The following CHIT1 variants were observed in gnomAD, a reference collection of about 807,000 sequenced individuals.
The protein encoded by CHIT1 is chitinase 1.
A neutral mutation model predicts 52.0 loss-of-function variants in CHIT1; 47 were observed. The ratio of observed to expected loss-of-function variants is 0.90; its 90% CI spans 0.71 to 1.15. CHIT1 has a LOEUF of 1.15. Ranked by LOEUF, CHIT1 falls within the 50% of genes most tolerant of loss-of-function variation. CHIT1 has a pLI of 0.00. For synonymous variants in CHIT1, 242 were observed against 228.2 expected, an observed-to-expected ratio of 1.06 and a Z score of -0.54; for missense variants, 569 against 583.0, an observed-to-expected ratio of 0.98 and a Z score of 0.25.
chr1:203,228,249 A>G (rs966114750), intron 2 of CHIT1, among the ~76,000 whole-genome samples: 1 of 152,258 alleles, frequency 6.6e-6, no homozygotes, highest in Admixed American at 6.5e-5. Context: ...AAGAGCACAG[A>G]GTGCAGAGGA....
chr1:203,217,010 A>G lies in CHIT1; in HGVS notation c.1280T>C (p.Leu427Pro), dbSNP rs1656557141. Residue 427 changes from leucine to proline, a missense_variant, in exon 11 of 11, where the codon CTC becomes CCC. Leu to Pro is a moderately conservative substitution (Grantham distance 98). Coordinates refer to ENST00000367229, the MANE Select transcript of CHIT1 (RefSeq NM_003465.3). ...GGACCGTTCCCGAGGATTGGGATAG[A>G]GCCCATCAGCTTTGCCCTGGCAGAA... ...DTFCQGKADG[L>P]YPNPRERSSF... 1 of 1,614,092 alleles carries G rather than the reference A, an allele frequency of 6.2e-7. No individual in the cohort carries two copies. Among genetic ancestry groups the G allele is most frequent in the Non-Finnish European group, 8.5e-7 (1 of 1,180,048 alleles).
rs766463084 is a variant in CHIT1 at position 203,219,847 on chromosome 1, A to G, written c.732T>C (p.Asp244=). The stretch of plus-strand genomic sequence containing the variant: ...TCTGCAGCCACTGTTGCACAGCAGC[A>G]TCCTGGTGGAAGAGGGCAGGGTTAA... ...ESGAAASLNV[D]AAVQQWLQKG... is the part of the protein sequence containing the mutation. The change falls in exon 8 of 11, where the codon GAT becomes GAC. Residue 244 remains aspartate, a splice_region_variant and synonymous_variant. Transcript: ENST00000367229. 15 of 1,611,940 alleles carry G rather than the reference A, an allele frequency of 9.3e-6. No homozygotes were observed. The highest frequency in any genetic ancestry group is 2.2e-5 in the East Asian group (1 of 44,890).
intron 2 of CHIT1, among the ~76,000 whole-genome samples, chr1:203,226,981 G>A (rs1656951169): frequency 6.6e-6 from 1 of 152,280 alleles, no homozygotes; most frequent in South Asian, 2.1e-4. Flanking sequence ...GATCTTGATG[G>A]AGCAGTGAGT....
At chr1:203,222,823 A>G (rs1212248555) in intron 6 of CHIT1, among the ~76,000 whole-genome samples, 1 of 152,164 alleles carries the variant, frequency 6.6e-6, no homozygotes, top group African/African-American at 2.4e-5. Flanking sequence ...ATTTTCTTGA[A>G]GACAATGGCT....
intron 7 of CHIT1, among the ~76,000 whole-genome samples, chr1:203,220,534 T>G (rs1321795611): frequency 6.6e-6 from 1 of 152,158 alleles, no homozygotes; most frequent in East Asian, 1.9e-4. Flanking sequence ...CCCCCAGGCC[T>G]GTGACGGGAG....
intron 9 of CHIT1, among the ~76,000 whole-genome samples, chr1:203,218,935 A>G (rs1009823211): frequency 2.0e-5 from 3 of 152,216 alleles, no homozygotes; most frequent in African/African-American, 7.2e-5. Flanking sequence ...ATGTCTCACC[A>G]TGTGTATTTC....
chr1:203,225,361 C>T (rs562624995), intron 3 of CHIT1, among the ~76,000 whole-genome samples: 86 of 152,150 alleles, frequency 5.7e-4, no homozygotes, highest in African/African-American at 1.8e-3. Context: ...TTTGTGAAGG[C>T]GCCCAGAACA....
At chr1:203,222,086 T>C in intron 7 of CHIT1, 116 bp downstream of exon 7, 3 of 1,444,272 alleles carry the variant, frequency 2.1e-6, no homozygotes, top group Non-Finnish European at 1.9e-6. Context: ...AAAAAGCTTC[T>C]TGTTTCTCAG....
rs201975143 is a variant in CHIT1, at chr1:203,222,300, C to T, written c.631G>A (p.Ala211Thr). The T allele has an allele frequency of 1.2e-6, 2 of 1,614,022 alleles. No homozygotes were observed. Among genetic ancestry groups the T allele is most frequent in the Admixed American group, 1.7e-5 (1 of 60,004 alleles). The change falls in exon 7 of 11, where the codon GCC (alanine) becomes ACC (threonine). Residue 211 changes from alanine to threonine, a missense_variant. Transcript: ENST00000367229. Reference sequence around the variant, plus strand: ...TCCCAAGAGCCATGGAAGTCGTAGGCCATAAGGTTGACAAAATCCAGGTTC... The same window carrying T: ...TCCCAAGAGCCATGGAAGTCGTAGGTCATAAGGTTGACAAAATCCAGGTTC... ...AQNLDFVNLM[A>T]YDFHGSWEKV...
intron 7 of CHIT1, among the ~76,000 whole-genome samples, chr1:203,221,683 G>C (rs1277077489): frequency 6.6e-6 from 1 of 152,138 alleles, no homozygotes; most frequent in Non-Finnish European, 1.5e-5. Flanking sequence ...ATGAGGAAAA[G>C]TTAGGAAACC....
Position 203,217,820 on chromosome 1 carries a change from C to CGCAGA in CHIT1, c.1074_1075insTCTGC (p.Ala359SerfsTer6). 6.2e-7 allele frequency: 1 copy of CGCAGA among 1,614,094 alleles called. No homozygotes were observed. Among genetic ancestry groups the CGCAGA allele is most frequent in the Non-Finnish European group, 8.5e-7 (1 of 1,179,986 alleles). On this transcript the variant is annotated frameshift_variant, in exon 10 of 11. Transcript: ENST00000367229. LOFTEE classifies it high-confidence loss of function. ...CCGGCAAAGTCATCTAAGTCCAGTG[C>CGCAGA]CCAGACCATGGCCCCGCCCAGTCCC... is the stretch of plus-strand genomic sequence containing the variant.
intron 9 of CHIT1, chr1:203,218,155 A>G (rs1656606650): frequency 5.8e-6 from 8 of 1,384,948 alleles, no homozygotes; most frequent in Non-Finnish European, 7.6e-6. Context: ...CTAAGTGGGA[A>G]CCCTTCACCG....
In CHIT1 at chr1:203,223,194, T is replaced by C. The variant is rs1450535484; in HGVS notation, c.546A>G (p.Ala182=). 1.9e-6 allele frequency: 3 copies of C among 1,614,212 alleles called. No individual in the cohort carries two copies. Among genetic ancestry groups the C allele is most frequent in the Middle Eastern group, 1.6e-4 (1 of 6,062 alleles). The stretch of plus-strand genomic sequence containing the variant: ...CATAGGTCTGCCCAGCTGGAACCGC[T>C]GCACTCAGAAGAAGGCGTTCCTTCC... ...TSGKERLLLS[A]AVPAGQTYVD... Residue 182 remains alanine (A), a synonymous_variant, in exon 6 of 11, where the codon GCA becomes GCG. Transcript: ENST00000367229.
upstream of CHIT1, chr1:203,229,773 G>C: frequency 1.0e-6 from 1 of 980,146 alleles, no homozygotes; most frequent in South Asian, 1.4e-5. Flanking sequence ...TGGGAGCAGG[G>C]TGGGGAGGGG....
chr1:203,216,633 G>T lies in CHIT1; in HGVS notation c.*256C>A. 1.7e-6 allele frequency: 1 copy of T among 574,112 alleles called. No individual in the cohort carries two copies. Among genetic ancestry groups the T allele is most frequent in the Non-Finnish European group, 3.3e-6 (1 of 306,118 alleles). The allele number at this position is 574,112 out of a possible 1,614,324, so 35.6% of individuals were successfully genotyped here. A position where few individuals can be genotyped will look rare whatever the true frequency, so the allele number is the denominator to read the frequency against. ...GCGGATGTTTTGGAGTCAACAGTGT[G>T]CTTAGAGAGCCTCTTAAGTCACCAC... On this transcript the variant is annotated 3_prime_UTR_variant, in exon 11 of 11. Transcript: ENST00000367229.
chr1:203,228,463 G>A (rs1657005297), intron 2 of CHIT1, 70 bp downstream of exon 2: 2 of 1,500,652 alleles, frequency 1.3e-6, no homozygotes, highest in African/African-American at 2.8e-5. Context: ...GGTCTGGCAG[G>A]GAAGGTGTTT....
rs1176036904 is a variant in CHIT1 at position 203,228,525 on chromosome 1, C to A, written c.55+8G>T. On this transcript the variant is annotated splice_region_variant and intron_variant, in intron 2 of 10. Transcript: ENST00000367229. ...GGGGCTGAGGCAGCCAAGAAAGAGGCTACTTACCCCATGGGATCATCAGCA... is the reference window on the plus strand; with the variant it reads ...GGGGCTGAGGCAGCCAAGAAAGAGGATACTTACCCCATGGGATCATCAGCA... The A allele has an allele frequency of 1.3e-6, 2 of 1,588,094 alleles. No individual in the cohort carries two copies. Among genetic ancestry groups the A allele is most frequent in the East Asian group, 2.3e-5 (1 of 43,670 alleles).
In CHIT1 at chr1:203,223,542, G is replaced by T. The variant is rs1244986348; in HGVS notation, c.433C>A (p.Gln145Lys). 1.9e-6 allele frequency: 3 copies of T among 1,614,190 alleles called. No individual in the cohort carries two copies. In the South Asian group the frequency reaches 3.3e-5, roughly 18 times the overall value. ...LDLDWEYPGS[Q>K]GSPAVDKERF... ...TCCTTGTCTACGGCAGGGCTCCCCT[G>T]GCTTCCTGGGTACTCCCAGTCAAGG... Residue 145 changes from glutamine (Q) to lysine (K), a missense_variant, in exon 5 of 11, where the codon CAG becomes AAG. Coordinates refer to ENST00000367229, the MANE Select transcript of CHIT1 (RefSeq NM_003465.3).
chr1:203,222,502 C>T (rs965775651), intron 6 of CHIT1, among the ~76,000 whole-genome samples, 177 bp from the exon 7 acceptor site: 6 of 152,184 alleles, frequency 3.9e-5, no homozygotes, highest in Non-Finnish European at 8.8e-5. Flanking sequence ...CCCAGCCAGC[C>T]CCCTTATGAA....
Sources: allele counts gnomAD v4.1 joint callset (sites outside exome capture counted in the v4.1 genomes callset), GRCh38; gene constraint gnomAD v4.1.1; transcripts MANE v1.5; gene names NCBI Gene and HGNC (gene_info 2026-07-23, HGNC 2026-07-21).